CSNK1G1: variants seen among roughly 807,000 people sequenced by gnomAD.
CSNK1G1 encodes casein kinase I isoform gamma-1.
Under a neutral mutation model 59.6 loss-of-function variants are expected in CSNK1G1, and 22 were observed. The ratio of observed to expected loss-of-function variants is 0.37; its 90% confidence interval spans 0.26 to 0.53. CSNK1G1 has a LOEUF of 0.53. CSNK1G1 is among the 20% of genes least tolerant of loss of function. The probability of loss-of-function intolerance (pLI) is 0.89; values close to 1 mark genes in which losing one functional copy is unlikely to be tolerated. For synonymous variants in CSNK1G1, 179 were observed against 177.1 expected, an observed-to-expected ratio of 1.01 and a Z score of -0.08; for missense variants, 384 against 519.5, an observed-to-expected ratio of 0.74 and a Z score of 2.54.
At chr15:64,278,669 T>C (rs533552902) in intron 2 of CSNK1G1, among the ~76,000 whole-genome samples, 269 of 152,064 alleles carry the variant, frequency 1.8e-3, no homozygotes, top group African/African-American at 6.4e-3. Context: ...CCTCGTGATC[T>C]GCCCGCCTTG....
At chr15:64,354,200 G>A (rs1898501723) in intron 1 of CSNK1G1, among the ~76,000 whole-genome samples, 1 of 152,120 alleles carries the variant, frequency 6.6e-6, no homozygotes, top group African/African-American at 2.4e-5. Context: ...AGCTACTCAG[G>A]AGGCTGAGGC....
At chr15:64,194,517 C>CTTTTTTTTTT (rs374224209) in intron 10 of CSNK1G1, among the ~76,000 whole-genome samples, 17 of 128,282 alleles carry the variant, frequency 1.3e-4, no homozygotes, top group Non-Finnish European at 1.6e-4. Context: ...CTTTTCTTTT[C>CTTTTTTTTTT]TTTTTTTTTT....
At chr15:64,194,154 CAGG>C (rs1442579034) in intron 10 of CSNK1G1, 2 of 152,110 alleles carry the variant, frequency 1.3e-5, no homozygotes, top group African/African-American at 4.8e-5. Flanking sequence ...ATCCTGTGGC[CAGG>C]AGGAGTGTGC....
intron 6 of CSNK1G1, among the ~76,000 whole-genome samples, chr15:64,212,398 A>T (rs1275142057): frequency 6.6e-6 from 1 of 152,184 alleles, no homozygotes. Context: ...CTTAGTAGAT[A>T]TTACATTAGT....
intron 11 of CSNK1G1, among the ~76,000 whole-genome samples, chr15:64,175,853 G>T (rs575915624): frequency 2.3e-4 from 35 of 152,318 alleles, no homozygotes; most frequent in African/African-American, 8.2e-4. Context: ...CAGAATGTGA[G>T]ATTATCCAGC....
intron 2 of CSNK1G1, among the ~76,000 whole-genome samples, chr15:64,284,032 G>A (rs1166793687): frequency 4.0e-5 from 6 of 151,806 alleles, no homozygotes; most frequent in South Asian, 4.2e-4. Context: ...TGAGGTAAGC[G>A]TCCAACTTGA....
At position 64,265,995 on chromosome 15, in the gene CSNK1G1, G is replaced by C. The variant is rs142650021; in HGVS notation, c.182-6754C>G. 4.7e-5 allele frequency: 15 copies of C among 321,676 alleles called. No individual in the cohort carries two copies. The East Asian group carries it at 9.2e-4, about 20-fold the overall frequency. 19.9% of individuals were successfully genotyped at this position (321,676 alleles called of 1,614,324 possible). On this transcript the variant is annotated intron_variant, in intron 2 of 11. Coordinates refer to ENST00000303052, the MANE Select transcript of CSNK1G1 (RefSeq NM_022048.5). ...GCTAGTAGGTAGACTGAGATGGGAAGAATGTTTGAGTCTAGGATCTTTGAG... is the reference window on the plus strand; with the variant it reads ...GCTAGTAGGTAGACTGAGATGGGAACAATGTTTGAGTCTAGGATCTTTGAG...
Position 64,181,323 on chromosome 15 carries a change from GC to G in CSNK1G1, c.1108-870del, listed in dbSNP as rs201547722. On this transcript the variant is annotated intron_variant, in intron 10 of 11. Coordinates refer to ENST00000303052, the MANE Select transcript of CSNK1G1 (RefSeq NM_022048.5). The stretch of plus-strand genomic sequence containing the variant: ...TTCTCTTGCATGTGTAGCTGCTTCT[GC>G]CACCTGGTTTCATTTCCAGCACATT... 1.1e-3 allele frequency: 1,620 copies of G among 1,536,112 alleles called. 17 individuals carry two copies. The African/African-American group carries it at 0.019, about 18-fold the overall frequency.
chr15:64,251,052 G>C (rs1384993056), intron 4 of CSNK1G1, among the ~76,000 whole-genome samples: 1 of 152,150 alleles, frequency 6.6e-6, no homozygotes, highest in Non-Finnish European at 1.5e-5. Flanking sequence ...CAATCATATG[G>C]ATAGCTCTTG....
intron 3 of CSNK1G1, among the ~76,000 whole-genome samples, chr15:64,255,534 C>CA (rs1215065352): frequency 4.0e-5 from 6 of 151,884 alleles, no homozygotes; most frequent in African/African-American, 1.5e-4. Context: ...AAGTCCTCAG[C>CA]AAAAAAATAA....
chr15:64,239,792 G>A (rs1049144624), intron 4 of CSNK1G1, among the ~76,000 whole-genome samples: 2 of 151,978 alleles, frequency 1.3e-5, no homozygotes, highest in Non-Finnish European at 2.9e-5. Flanking sequence ...CTAAGAGATA[G>A]ATATAGAAAA....
intron 2 of CSNK1G1, among the ~76,000 whole-genome samples, chr15:64,286,214 G>A (rs1278953870): frequency 1.3e-5 from 2 of 151,920 alleles, no homozygotes; most frequent in East Asian, 1.9e-4. Context: ...CAGGTTTTCT[G>A]CCATTTGCCA....
chr15:64,293,531 A>G (rs1222520965), intron 2 of CSNK1G1, among the ~76,000 whole-genome samples: 1 of 152,220 alleles, frequency 6.6e-6, no homozygotes. Flanking sequence ...GGGCAAACTG[A>G]CAATGTGTAA....
rs970993291 is a variant in CSNK1G1, at chr15:64,270,843, T to C, written c.182-11602A>G. 4.6e-5 allele frequency among the ~76,000 whole-genome samples: 7 copies of C among 152,080 alleles called. No individual in the cohort carries two copies. In the East Asian group the frequency reaches 1.3e-3, roughly 29 times the overall value. On this transcript the variant is annotated intron_variant, in intron 2 of 11. Coordinates refer to ENST00000303052, the MANE Select transcript of CSNK1G1 (RefSeq NM_022048.5). ...TCGTTCTCATTAATTTCAAAGGGCT[T>C]CTTGATTTCTGTCTTTATTTCATTA...
At position 64,200,728 on chromosome 15, in the gene CSNK1G1, G is replaced by T. The variant is rs569700733; in HGVS notation, c.1107+2354C>A. Among the ~76,000 whole-genome samples the T allele has an allele frequency of 9.9e-5, 15 of 152,256 alleles. No homozygotes were observed. Among genetic ancestry groups the T allele is most frequent in the African/African-American group, 3.6e-4 (15 of 41,538 alleles). ...CAACCCTATTTCTGTTAATAATTTT[G>T]ATCTCCTTCCATTGATTCTGCTTAT... On this transcript the variant is annotated intron_variant, in intron 10 of 11. Coordinates refer to ENST00000303052, the MANE Select transcript of CSNK1G1 (RefSeq NM_022048.5). This position sits in a 1 kb window ranked among gnomAD's most constrained non-coding sequence, Gnocchi z 4.3.
chr15:64,204,438 T>G lies in CSNK1G1; in HGVS notation c.999+3A>C. On this transcript the variant is annotated splice_donor_region_variant and intron_variant, in intron 9 of 11. Coordinates refer to ENST00000303052, the MANE Select transcript of CSNK1G1 (RefSeq NM_022048.5). The stretch of plus-strand genomic sequence containing the variant: ...AAAAAAAAAAAAAAAAAAGGATACT[T>G]ACAATAGGTCTCCCAACCCAATCAT... The G allele has an allele frequency of 6.4e-7, 1 of 1,561,238 alleles. No individual in the cohort carries two copies.
intron 2 of CSNK1G1, among the ~76,000 whole-genome samples, chr15:64,266,708 T>G (rs1162370290): frequency 6.6e-6 from 1 of 152,016 alleles, no homozygotes; most frequent in Non-Finnish European, 1.5e-5. Flanking sequence ...GAAATAAATC[T>G]CCACATTTAC....
At chr15:64,191,227 T>A (rs765021969) in intron 10 of CSNK1G1, among the ~76,000 whole-genome samples, 3 of 152,022 alleles carry the variant, frequency 2.0e-5, no homozygotes, top group Non-Finnish European at 4.4e-5. Flanking sequence ...AGGTTGCTAA[T>A]TTTTTTATAT....
chr15:64,348,099 A>G (rs903184634), intron 1 of CSNK1G1, among the ~76,000 whole-genome samples: 1 of 152,300 alleles, frequency 6.6e-6, no homozygotes, highest in African/African-American at 2.4e-5. Context: ...GATTCTAACT[A>G]TATGACATTT....
Sources: allele counts gnomAD v4.1 joint callset (sites outside exome capture counted in the v4.1 genomes callset), GRCh38; gene constraint gnomAD v4.1.1; non-coding constraint Gnocchi (gnomAD v3.1); transcripts MANE v1.5; gene names NCBI Gene and HGNC (gene_info 2026-07-23, HGNC 2026-07-21).